Variants in SRD5A1 observed in about 807,000 individuals in gnomAD.
The protein encoded by SRD5A1 is steroid 5 alpha-reductase 1.
A neutral mutation model predicts 28.2 loss-of-function variants in SRD5A1; 22 were observed. That is an observed-to-expected ratio of 0.78 (90% CI 0.56 to 1.12). SRD5A1 has a LOEUF of 1.12. Ranked by LOEUF, SRD5A1 falls within the 50% of genes most tolerant of loss-of-function variation. The probability of loss-of-function intolerance (pLI) is 0.00; values close to 1 mark genes in which losing one functional copy is unlikely to be tolerated. For missense variants in SRD5A1, 300 were observed against 346.7 expected, an observed-to-expected ratio of 0.87 and a Z score of 1.07; for synonymous variants, 151 against 135.0, an observed-to-expected ratio of 1.12 and a Z score of -0.82.
chr5:6,662,993 T>A (rs1439750558), intron 4 of SRD5A1, 27 bp downstream of exon 4: 1 of 1,610,258 alleles, frequency 6.2e-7, no homozygotes, highest in African/African-American at 1.3e-5. Context: ...TTTTACCATT[T>A]GTAATTTGTT....
chr5:6,659,267 C>A (rs912025598), intron 3 of SRD5A1, among the ~76,000 whole-genome samples: 1 of 151,982 alleles, frequency 6.6e-6, no homozygotes, highest in Non-Finnish European at 1.5e-5. Flanking sequence ...GCGCCCGCCA[C>A]CACGCCTGGC....
intron 4 of SRD5A1, among the ~76,000 whole-genome samples, chr5:6,667,229 G>A (rs1739212126): frequency 6.6e-6 from 1 of 152,246 alleles, no homozygotes; most frequent in South Asian, 2.1e-4. Context: ...CCTCATGCCA[G>A]GGGAAGTGAC....
chr5:6,643,296 G>A (rs1312336151), intron 1 of SRD5A1, among the ~76,000 whole-genome samples: 1 of 151,940 alleles, frequency 6.6e-6, no homozygotes, highest in East Asian at 1.9e-4. Flanking sequence ...CATCTGCCTT[G>A]CTTTTTCTTT....
intron 1 of SRD5A1, chr5:6,645,138 G>GA (rs1738472927): frequency 2.6e-6 from 1 of 383,030 alleles, no homozygotes; most frequent in Non-Finnish European, 5.2e-6. Flanking sequence ...AGTTAAGTGG[G>GA]AGTGCTGGGG....
intron 4 of SRD5A1, 21 bp downstream of exon 4, chr5:6,662,987 A>G: frequency 6.2e-7 from 1 of 1,612,434 alleles, no homozygotes; most frequent in Non-Finnish European, 8.5e-7. Flanking sequence ...AAACACTTTT[A>G]CCATTTGTAA....
chr5:6,649,419 C>G (rs535491557), intron 1 of SRD5A1, among the ~76,000 whole-genome samples: 3 of 152,106 alleles, frequency 2.0e-5, no homozygotes, highest in African/African-American at 7.2e-5. Flanking sequence ...AGGGTAAAAC[C>G]GTCTACTTAA....
intron 1 of SRD5A1, among the ~76,000 whole-genome samples, chr5:6,645,639 CAA>C (rs35510604): frequency 0.017 from 2,014 of 121,550 alleles, 42 homozygotes; most frequent in African/African-American, 0.053. Flanking sequence ...AACTCCATCT[CAA>C]AAAAAAAAAA....
At chr5:6,636,277 T>C (rs1738182835) in intron 1 of SRD5A1, among the ~76,000 whole-genome samples, 1 of 152,118 alleles carries the variant, frequency 6.6e-6, no homozygotes, top group South Asian at 2.1e-4. Context: ...ACACAAACCA[T>C]CCCAGCAGCC....
chr5:6,636,401 GA>G (rs1048989758), intron 1 of SRD5A1, among the ~76,000 whole-genome samples: 1 of 152,194 alleles, frequency 6.6e-6, no homozygotes, highest in African/African-American at 2.4e-5. Flanking sequence ...AAAGGCAGGA[GA>G]AAAGTGAGCC....
At position 6,673,607 on chromosome 5, in the gene SRD5A1, T is replaced by C. The variant is rs1203697303; in HGVS notation, c.*5339T>C. On this transcript the variant is annotated 3_prime_UTR_variant, in exon 5 of 5. Coordinates refer to ENST00000274192, the MANE Select transcript of SRD5A1 (RefSeq NM_001047.4). ...TGTTTACCCAAAGGAGTTGAAAACA[T>C]GTCCACACAGAAAACCTGCACATGA... is the stretch of plus-strand genomic sequence containing the variant. The C allele has an allele frequency of 1.3e-5, 2 of 152,230 alleles. No individual in the cohort carries two copies. The highest frequency in any genetic ancestry group is 6.5e-5 in the Admixed American group (1 of 15,286). 9.4% of individuals were successfully genotyped at this position (152,230 alleles called of 1,614,324 possible).
At chr5:6,663,179 G>A (rs761164736) in intron 4 of SRD5A1, among the ~76,000 whole-genome samples, 3 of 152,186 alleles carry the variant, frequency 2.0e-5, no homozygotes, top group Admixed American at 6.5e-5. Flanking sequence ...TCTATACCAC[G>A]TCCTTAGCCT....
At chr5:6,664,825 G>A (rs1739114956) in intron 4 of SRD5A1, among the ~76,000 whole-genome samples, 1 of 152,270 alleles carries the variant, frequency 6.6e-6, no homozygotes, top group South Asian at 2.1e-4. Flanking sequence ...AGACAGTGAG[G>A]AGAGAGCGAG....
intron 1 of SRD5A1, among the ~76,000 whole-genome samples, chr5:6,642,336 A>G (rs561904981): frequency 6.6e-6 from 1 of 152,318 alleles, no homozygotes; most frequent in South Asian, 2.1e-4. Flanking sequence ...CACTCATGGA[A>G]TCCTGTTAGA....
At chr5:6,660,159 G>T (rs1579412639) in intron 3 of SRD5A1, among the ~76,000 whole-genome samples, 1 of 152,200 alleles carries the variant, frequency 6.6e-6, no homozygotes, top group South Asian at 2.1e-4. Flanking sequence ...AGTGCTGTGG[G>T]CTGTGTGTGA....
intron 1 of SRD5A1, chr5:6,645,064 C>T (rs1442473946): frequency 2.2e-6 from 1 of 450,964 alleles, no homozygotes; most frequent in South Asian, 1.6e-5. Context: ...TCCTAGGGGT[C>T]CTGGCCTGAA....
At chr5:6,653,556 C>T (rs551572298) in intron 2 of SRD5A1, 2 of 152,324 alleles carry the variant, frequency 1.3e-5, no homozygotes, top group East Asian at 3.9e-4. Flanking sequence ...AAGAGTTACA[C>T]AGCTGGCCCA....
In SRD5A1 at chr5:6,649,705, G is replaced by A. The variant is rs570560851; in HGVS notation, c.294-2137G>A. Among the ~76,000 whole-genome samples, 29 of 152,288 alleles carry A rather than the reference G, an allele frequency of 1.9e-4. No individual in the cohort carries two copies. The South Asian group carries it at 6.0e-3, about 32-fold the overall frequency. On this transcript the variant is annotated intron_variant, in intron 1 of 4. Coordinates refer to ENST00000274192, the MANE Select transcript of SRD5A1 (RefSeq NM_001047.4). ...GGAAAGGGAAATCCCTTGACCCCTT[G>A]CACTTCCTGGGTGAGGCGATGCCCC...
intron 3 of SRD5A1, 59 bp from the exon 4 acceptor site, chr5:6,662,757 C>T: frequency 6.4e-7 from 1 of 1,573,868 alleles, no homozygotes; most frequent in South Asian, 1.1e-5. Context: ...ACTAGCATCT[C>T]TGAAGTCCGT....
intron 2 of SRD5A1, among the ~76,000 whole-genome samples, chr5:6,653,700 T>G (rs988130484): frequency 3.3e-5 from 5 of 152,164 alleles, no homozygotes; most frequent in African/African-American, 1.2e-4. Flanking sequence ...AGATACAGAT[T>G]TTAAATGTTT....
Sources: gnomAD v4.1 joint callset for allele counts (sites outside exome capture counted in the v4.1 genomes callset) on GRCh38, gnomAD v4.1.1 for gene constraint, MANE v1.5 for transcripts, NCBI Gene and HGNC (gene_info 2026-07-23, HGNC 2026-07-21) for gene names.